The following TOP2B variants were observed in gnomAD, a reference collection of about 807,000 sequenced individuals.
The protein encoded by TOP2B is DNA topoisomerase II beta.
Under a neutral mutation model 193.5 loss-of-function variants are expected in TOP2B, and 51 were observed. That is an observed-to-expected ratio of 0.26 (90% CI 0.21 to 0.33). The LOEUF is 0.33. Among genes scored for constraint, TOP2B ranks in the 10% least tolerant of loss-of-function variants. The probability of loss-of-function intolerance (pLI) is 1.00; values close to 1 mark genes in which losing one functional copy is unlikely to be tolerated. For synonymous variants in TOP2B, 634 were observed against 635.7 expected (o/e 1.00, Z 0.04); for missense variants, 1,378 against 1,909.3 (o/e 0.72, Z 5.19).
chr3:25,643,640 G>A (rs1268371057), intron 3 of TOP2B, 54 bp downstream of exon 3: 3 of 1,322,026 alleles, frequency 2.3e-6, no homozygotes, highest in Non-Finnish European at 2.2e-6. Flanking sequence ...TATATAAAAG[G>A]ACACTATGAT....
chr3:25,642,401 C>A lies in TOP2B; in HGVS notation c.332-16G>T. 1 of 1,501,834 alleles carries A rather than the reference C, an allele frequency of 6.7e-7. No individual in the cohort carries two copies. The highest frequency in any genetic ancestry group is 9.0e-7 in the Non-Finnish European group (1 of 1,105,852). 93.0% of individuals were successfully genotyped at this position (1,501,834 alleles called of 1,614,324 possible). ...GCAGCATTAACTACAAAATTAAACACCTCAATGAGTAATATACAAAATTAT... is the reference window on the plus strand; with the variant it reads ...GCAGCATTAACTACAAAATTAAACAACTCAATGAGTAATATACAAAATTAT... On this transcript the variant is annotated splice_polypyrimidine_tract_variant and intron_variant, in intron 3 of 35. Transcript: ENST00000264331.
chr3:25,635,205 A>G (rs1703071156), intron 7 of TOP2B, among the ~76,000 whole-genome samples: 1 of 152,126 alleles, frequency 6.6e-6, no homozygotes, highest in African/African-American at 2.4e-5. Flanking sequence ...CAACACTAAT[A>G]ACTACAGCAA....
chr3:25,664,159 CG>C, intron 1 of TOP2B, 69 bp downstream of exon 1: 1 of 1,529,438 alleles, frequency 6.5e-7, no homozygotes. Flanking sequence ...CTCCCCCGCC[CG>C]TTCGGAATTC....
chr3:25,651,400 A>G (rs1559509167), intron 1 of TOP2B, among the ~76,000 whole-genome samples: 1 of 151,902 alleles, frequency 6.6e-6, no homozygotes, highest in Non-Finnish European at 1.5e-5. Flanking sequence ...AAATATCTGT[A>G]GAATATACAC....
In TOP2B at chr3:25,627,014, A is replaced by T. The variant is rs1575573560; in HGVS notation, c.2017-150T>A. ...TTTAATCAAAAACACATTTAAACTA[A>T]GGTCTTTCAATTAAAGAAGTTTATA... On this transcript the variant is annotated intron_variant, in intron 16 of 35. Transcript: ENST00000264331. The T allele has an allele frequency of 1.0e-5, 7 of 692,684 alleles. No individual in the cohort carries two copies. In the East Asian group the frequency reaches 1.9e-4, roughly 19 times the overall value. 42.9% of individuals were successfully genotyped at this position (692,684 alleles called of 1,614,324 possible).
intron 25 of TOP2B, among the ~76,000 whole-genome samples, chr3:25,617,662 A>G (rs1438026674): frequency 6.6e-6 from 1 of 152,184 alleles, no homozygotes; most frequent in African/African-American, 2.4e-5. Flanking sequence ...ATAATCTAAT[A>G]CCCAAAAAAT....
intron 1 of TOP2B, among the ~76,000 whole-genome samples, chr3:25,658,955 G>A (rs986338834): frequency 6.6e-6 from 1 of 152,106 alleles, no homozygotes; most frequent in Admixed American, 6.5e-5. Context: ...TGACAAACAG[G>A]GTAAAGGAGA....
rs1181484312 is a variant in TOP2B at position 25,629,101 on chromosome 3, G to A, written c.1734C>T (p.Ile578=). 1.2e-6 allele frequency: 2 copies of A among 1,604,304 alleles called. No individual in the cohort carries two copies. Among genetic ancestry groups the A allele is most frequent in the South Asian group, 2.3e-5 (2 of 88,280 alleles). ...TCAAAAGTGATGGCCAATTGTGATG[G>A]ATGAAATTAATAAGCAGGCCTTTTA... ...SHIKGLLINF[I]HHNWPSLLKH... is the part of the protein sequence containing the mutation. The change falls in exon 14 of 36, where the codon ATC becomes ATT. Residue 578 remains isoleucine, a synonymous_variant. Coordinates refer to ENST00000264331, the MANE Select transcript of TOP2B (RefSeq NM_001330700.2).
At position 25,645,381 on chromosome 3, in the gene TOP2B, T is replaced by C. The variant is rs985036950; in HGVS notation, c.159A>G (p.Arg53=). ...NDSSKKLSVE[R]VYQKKTQLEH... ...CAAGTTGTGTCTTCTTCTGATACAC[T>C]CTCTCAACAGACAACTTCTTTGAAG... is the stretch of plus-strand genomic sequence containing the variant. Residue 53 remains arginine, a synonymous_variant, in exon 2 of 36, where the codon AGA becomes AGG. Transcript: ENST00000264331. The C allele has an allele frequency of 6.8e-6, 11 of 1,613,634 alleles. No homozygotes were observed. The highest frequency in any genetic ancestry group is 1.3e-5 in the African/African-American group (1 of 74,908).
rs1703163351 is a variant in TOP2B, at chr3:25,638,322, A to ATT, written c.396-13_396-12insAA. Reference sequence around the variant, plus strand: ...TAATGTTAGATTCACTGTAAAAAAAAAAAAAAAAAAAAAAAAAAAAAAAAA... The same window carrying ATT: ...TAATGTTAGATTCACTGTAAAAAAAATTAAAAAAAAAAAAAAAAAAAAAAAAA... On this transcript the variant is annotated splice_polypyrimidine_tract_variant and intron_variant, in intron 4 of 35. Coordinates refer to ENST00000264331, the MANE Select transcript of TOP2B (RefSeq NM_001330700.2). 9.7e-7 allele frequency: 1 copy of ATT among 1,033,576 alleles called. No individual in the cohort carries two copies. The highest frequency in any genetic ancestry group is 3.8e-5 in the African/African-American group (1 of 26,316). The allele number at this position is 1,033,576 out of a possible 1,614,324, so 64.0% of individuals were successfully genotyped here. A position where few individuals can be genotyped will look rare whatever the true frequency, so the allele number is the denominator to read the frequency against.
chr3:25,661,322 G>C (rs1263106822), intron 1 of TOP2B, among the ~76,000 whole-genome samples: 1 of 152,110 alleles, frequency 6.6e-6, no homozygotes, highest in African/African-American at 2.4e-5. Context: ...TGAAGCTTAA[G>C]GCTAAATAGA....
Position 25,618,754 on chromosome 3 carries a change from T to C in TOP2B, c.3159A>G (p.Leu1053=). 6.2e-7 allele frequency: 1 copy of C among 1,613,490 alleles called. No homozygotes were observed. The highest frequency in any genetic ancestry group is 2.2e-5 in the East Asian group (1 of 44,826). ...ACATTCCCACAAGCCACTCCTTACG[T>C]AAACCGTAATAACTTAATCGTAAAT... is the stretch of plus-strand genomic sequence containing the variant. ...FFDLRLSYYG[L]RKEWLVGMLG... The change falls in exon 24 of 36, where the codon TTA becomes TTG. Residue 1053 remains leucine (L), a synonymous_variant. Transcript: ENST00000264331.
chr3:25,611,111 C>T (rs746771264), intron 28 of TOP2B, among the ~76,000 whole-genome samples: 1 of 152,182 alleles, frequency 6.6e-6, no homozygotes, highest in African/African-American at 2.4e-5. Context: ...GAGCTTGGCA[C>T]TCCTGAAAGC....
rs1701986491 is a variant in TOP2B at position 25,598,433 on chromosome 3, G to A, written c.4755C>T (p.Ile1585=). The stretch of plus-strand genomic sequence containing the variant: ...GCTCAGTAGGGAAGTCTGAGGGGAA[G>A]ATGTCCACATCTGAATCCTGATCAA... ...TSFDQDSDVD[I]FPSDFPTEPP... Residue 1585 remains isoleucine (I), a synonymous_variant, in exon 36 of 36, where the codon ATC becomes ATT. Coordinates refer to ENST00000264331, the MANE Select transcript of TOP2B (RefSeq NM_001330700.2). 1 of 1,613,146 alleles carries A rather than the reference G, an allele frequency of 6.2e-7. No individual in the cohort carries two copies. The highest frequency in any genetic ancestry group is 8.5e-7 in the Non-Finnish European group (1 of 1,179,442).
intron 1 of TOP2B, 103 bp downstream of exon 1, chr3:25,664,126 G>A: frequency 3.3e-6 from 5 of 1,494,198 alleles, no homozygotes; most frequent in South Asian, 2.4e-5. Context: ...CCGTTCGGGG[G>A]ACGGGATTTC....
Position 25,601,122 on chromosome 3 carries a change from T to C in TOP2B, c.4593A>G (p.Pro1531=). The change falls in exon 34 of 36, where the codon CCA becomes CCG. Residue 1531 remains proline, a synonymous_variant. Coordinates refer to ENST00000264331, the MANE Select transcript of TOP2B (RefSeq NM_001330700.2). ...CACCTTTTGGTGTTGTAGTCTTCTT[T>C]GGAATGCCAAATTCTGAATCCGAGT... ...NSDSDSEFGI[P]KKTTTPKGKG... 6.2e-7 allele frequency: 1 copy of C among 1,613,794 alleles called. No homozygotes were observed. Among genetic ancestry groups the C allele is most frequent in the East Asian group, 2.2e-5 (1 of 44,866 alleles).
At chr3:25,618,934 C>G (rs1272004354) in intron 23 of TOP2B, 85 bp from the exon 24 acceptor site, 3 of 1,034,666 alleles carry the variant, frequency 2.9e-6, no homozygotes, top group African/African-American at 3.3e-5. Context: ...CTTAAAATAA[C>G]CATAATATAT....
chr3:25,599,454 G>A lies in TOP2B; in HGVS notation c.4691C>T (p.Thr1564Ile), dbSNP rs1702029537. Residue 1564 changes from threonine (T) to isoleucine (I), a missense_variant, in exon 35 of 36, where the codon ACA becomes ATA. By Grantham distance (89) the Thr-to-Ile change is moderately conservative. Coordinates refer to ENST00000264331, the MANE Select transcript of TOP2B (RefSeq NM_001330700.2). ...GGTTACCTTGCTTGTTGTTTTGGAT[G>A]TTTTCCTGCCAGGGTTATAATCGCC... The part of the protein sequence containing the change: ...NEGDYNPGRK[T>I]SKTTSKKPKK... The A allele has an allele frequency of 1.9e-6, 3 of 1,613,472 alleles. No homozygotes were observed. The highest frequency in any genetic ancestry group is 1.7e-5 in the Admixed American group (1 of 59,958).
rs1702930893 is a variant in TOP2B, at chr3:25,630,752, A to T, written c.1405+49T>A. On this transcript the variant is annotated intron_variant, in intron 11 of 35. Coordinates refer to ENST00000264331, the MANE Select transcript of TOP2B (RefSeq NM_001330700.2). ...GAAAATAAAAAAATTCTGTAACTAAATAAAAGTGAAACTTAAATCAAAATC... is the reference window on the plus strand; with the variant it reads ...GAAAATAAAAAAATTCTGTAACTAATTAAAAGTGAAACTTAAATCAAAATC... 2.1e-6 allele frequency: 3 copies of T among 1,436,656 alleles called. No individual in the cohort carries two copies. The South Asian group carries it at 4.8e-5, about 23-fold the overall frequency. The allele number at this position is 1,436,656 out of a possible 1,614,324, so 89.0% of individuals were successfully genotyped here.
Sources: allele counts gnomAD v4.1 joint callset (sites outside exome capture counted in the v4.1 genomes callset), GRCh38; gene constraint gnomAD v4.1.1; transcripts MANE v1.5; gene names NCBI Gene and HGNC (gene_info 2026-07-23, HGNC 2026-07-21).